The following DACH2 variants were observed in gnomAD, a reference collection of about 807,000 sequenced individuals.
DACH2 encodes dachshund homolog 2.
Under a neutral mutation model 35.8 loss-of-function variants are expected in DACH2, and 17 were observed. That is an observed-to-expected ratio of 0.48 (90% CI 0.33 to 0.71). The LOEUF (loss-of-function observed/expected upper bound fraction) is 0.71. Ranked by LOEUF, DACH2 falls within the 30% of genes least tolerant of loss-of-function variation. The pLI is 0.02. For missense variants in DACH2, 469 were observed against 472.7 expected (o/e 0.99, Z 0.07); for synonymous variants, 195 against 177.3 (o/e 1.10, Z -0.79).
chrX:86,657,970 G>A (rs1305067084), intron 4 of DACH2, among the ~76,000 whole-genome samples: 1 of 111,078 alleles, frequency 9.0e-6, no homozygotes, highest in Non-Finnish European at 1.9e-5. Context: ...ATTGATTCTT[G>A]CCATTTAATT....
chrX:86,245,385 G>T, intron 1 of DACH2, among the ~76,000 whole-genome samples: 1 of 111,851 alleles, frequency 8.9e-6, no homozygotes. Flanking sequence ...CATGGACCCT[G>T]CTGTCACCAC....
At chrX:86,173,293 A>G (rs1165739963) in intron 1 of DACH2, among the ~76,000 whole-genome samples, 1 of 112,059 alleles carries the variant, frequency 8.9e-6, no homozygotes, top group Non-Finnish European at 1.9e-5. Flanking sequence ...AGTGTATGGT[A>G]TTGTGGATGT....
chrX:86,464,943 A>G (rs903697802), intron 2 of DACH2, among the ~76,000 whole-genome samples: 5 of 111,916 alleles, frequency 4.5e-5, no homozygotes, highest in African/African-American at 1.6e-4. Context: ...TTCAAAACTA[A>G]ATAATGTTAG....
At chrX:86,307,836 A>G (rs1421790219) in intron 1 of DACH2, among the ~76,000 whole-genome samples, 1 of 111,829 alleles carries the variant, frequency 8.9e-6, no homozygotes. Flanking sequence ...CAGGAATGGG[A>G]ATGGATACAA....
At chrX:86,399,352 C>G (rs1025990135) in intron 2 of DACH2, among the ~76,000 whole-genome samples, 4 of 111,721 alleles carry the variant, frequency 3.6e-5, no homozygotes, top group African/African-American at 1.3e-4. Context: ...CAGTCTGTGT[C>G]TTTTAATTGG....
intron 1 of DACH2, among the ~76,000 whole-genome samples, chrX:86,217,043 A>G (rs1167983046): frequency 9.2e-6 from 1 of 109,121 alleles, no homozygotes. Context: ...GGAAGCTGAG[A>G]TAGTGCCACT....
intron 1 of DACH2, among the ~76,000 whole-genome samples, chrX:86,322,870 G>C (rs1464911227): frequency 1.8e-5 from 2 of 112,212 alleles, no homozygotes; most frequent in African/African-American, 6.5e-5. Context: ...GAAAACATAA[G>C]GGTCAAATGG....
intron 6 of DACH2, among the ~76,000 whole-genome samples, chrX:86,730,402 T>C (rs930971050): frequency 8.9e-6 from 1 of 112,091 alleles, no homozygotes; most frequent in African/African-American, 3.2e-5. Context: ...ATAAAATTTA[T>C]ATTTAAATTA....
chrX:86,421,162 T>G (rs1477206782), intron 2 of DACH2, among the ~76,000 whole-genome samples: 1 of 111,764 alleles, frequency 8.9e-6, no homozygotes, highest in Non-Finnish European at 1.9e-5. Context: ...AATGTAAGCT[T>G]TATGGCACCT....
At chrX:86,570,563 G>A (rs2039352964) in intron 3 of DACH2, among the ~76,000 whole-genome samples, 1 of 110,305 alleles carries the variant, frequency 9.1e-6, no homozygotes, top group Non-Finnish European at 1.9e-5. Context: ...ACAGGGAGAG[G>A]AACAACACAC....
intron 2 of DACH2, among the ~76,000 whole-genome samples, chrX:86,482,811 T>TA (rs1294480608): frequency 3.6e-5 from 4 of 110,428 alleles, no homozygotes; most frequent in Admixed American, 1.9e-4. Context: ...TATGCAGCCG[T>TA]AAAAAATGAT....
intron 3 of DACH2, among the ~76,000 whole-genome samples, chrX:86,646,862 C>A (rs143557342): frequency 0.035 from 3,854 of 108,584 alleles, 167 homozygotes; most frequent in African/African-American, 0.12. Flanking sequence ...GGCAACAGAG[C>A]TGAAAATATT....
chrX:86,454,775 A>G (rs1160403025), intron 2 of DACH2, among the ~76,000 whole-genome samples: 1 of 111,827 alleles, frequency 8.9e-6, no homozygotes, highest in Non-Finnish European at 1.9e-5. Flanking sequence ...ACTTCTGTGT[A>G]TTCAGTCATC....
Position 86,631,975 on chromosome X carries a change from ACTAT to A in DACH2, c.641-19057_641-19054del, listed in dbSNP as rs748382159. On this transcript the variant is annotated intron_variant, in intron 3 of 11. Coordinates refer to ENST00000373125, the MANE Select transcript of DACH2 (RefSeq NM_053281.3). ...ATGATTAAAAAAACAATTTCAGAAA[ACTAT>A]CTAGTACAAAGCAAATCTAGACAGA... 6.4e-3 allele frequency among the ~76,000 whole-genome samples: 718 copies of A among 111,376 alleles called. 4 individuals are homozygous for A. The highest frequency in any genetic ancestry group is 0.01 in the Non-Finnish European group (553 of 52,993).
intron 11 of DACH2, chrX:86,831,793 A>G (rs751046813): frequency 3.2e-3 from 269 of 85,320 alleles, no homozygotes; most frequent in African/African-American, 0.022. Context: ...CAGATGCACC[A>G]TTATATACAA....
intron 2 of DACH2, among the ~76,000 whole-genome samples, chrX:86,464,665 A>G (rs770936882): frequency 2.4e-4 from 27 of 111,409 alleles, no homozygotes; most frequent in African/African-American, 8.5e-4. Context: ...CTGCACATGT[A>G]TCCCATAACT....
At chrX:86,332,630 C>G (rs1041871692) in intron 1 of DACH2, among the ~76,000 whole-genome samples, 31 of 111,380 alleles carry the variant, frequency 2.8e-4, no homozygotes, top group African/African-American at 9.8e-4. Flanking sequence ...ATCTCTAAAG[C>G]ACAGGGACCT....
In DACH2 at chrX:86,501,598, A is replaced by G. The variant is rs189563410; in HGVS notation, c.528-12681A>G. Among the ~76,000 whole-genome samples the G allele has an allele frequency of 1.4e-4, 16 of 112,058 alleles. No homozygotes were observed. The East Asian group carries it at 4.2e-3, about 30-fold the overall frequency. On this transcript the variant is annotated intron_variant, in intron 2 of 11. Coordinates refer to ENST00000373125, the MANE Select transcript of DACH2 (RefSeq NM_053281.3). ...TTGAGATTTGAATAGAAACTGTGTT[A>G]CCTTGCTGACCTTGCTAACAACTGA... is the stretch of plus-strand genomic sequence containing the variant.
chrX:86,155,025 G>A (rs1389627238), intron 1 of DACH2, among the ~76,000 whole-genome samples: 2 of 111,149 alleles, frequency 1.8e-5, no homozygotes, highest in South Asian at 3.7e-4. Flanking sequence ...TAAATATAGT[G>A]TAGCTGCTTA....
Sources: gnomAD v4.1 joint callset for allele counts (sites outside exome capture counted in the v4.1 genomes callset) on GRCh38, gnomAD v4.1.1 for gene constraint, MANE v1.5 for transcripts, NCBI Gene and HGNC (gene_info 2026-07-23, HGNC 2026-07-21) for gene names.